Variants in BBS4 observed in about 807,000 individuals in gnomAD.
BBS4 encodes Bardet-Biedl syndrome 4, also known as BBSome complex member BBS4.
BBS4 carries 58 observed loss-of-function variants against 71.4 expected under a neutral mutation model. The observed-to-expected ratio is 0.81, with a 90% CI of 0.66 to 1.01. The LOEUF is 1.01. Among genes scored for constraint, BBS4 ranks in the 50% least tolerant of loss-of-function variants. The pLI is 0.00. For missense variants in BBS4, 660 were observed against 607.9 expected (o/e 1.09, Z -0.90); for synonymous variants, 228 against 216.8 (o/e 1.05, Z -0.46).
intron 6 of BBS4, among the ~76,000 whole-genome samples, chr15:72,719,598 G>A (rs1242586740): frequency 6.6e-6 from 1 of 151,996 alleles, no homozygotes; most frequent in Non-Finnish European, 1.5e-5. Flanking sequence ...TAGGGAAGAG[G>A]TAAAGCAGGA....
Position 72,736,895 on chromosome 15 carries a change from C to T in BBS4, c.1382C>T (p.Pro461Leu). The T allele has an allele frequency of 3.1e-6, 5 of 1,614,188 alleles. No individual in the cohort carries two copies. Among genetic ancestry groups the T allele is most frequent in the Non-Finnish European group, 4.2e-6 (5 of 1,180,034 alleles). The change falls in exon 15 of 16, where the codon CCT becomes CTT. Residue 461 changes from proline to leucine, a missense_variant. Coordinates refer to ENST00000268057, the MANE Select transcript of BBS4 (RefSeq NM_033028.5). ...AGCAAACCTGCCAGTTTCCAGCAGC[C>T]TCTGGGCTCTAATCAAGCTCTAGGA... Reference protein sequence around the residue: ...STSKPASFQQPLGSNQALGQA... With the variant: ...STSKPASFQQLLGSNQALGQA...
intron 3 of BBS4, 64 bp downstream of exon 3, chr15:72,709,843 T>A: frequency 7.4e-7 from 1 of 1,345,630 alleles, no homozygotes; most frequent in Non-Finnish European, 1.1e-6. Context: ...TAACAGTGCC[T>A]GCTAAACAGA....
At chr15:72,692,357 C>A (rs8026148) in intron 1 of BBS4, among the ~76,000 whole-genome samples, 2,003 of 140,306 alleles carry the variant, frequency 0.014, 40 homozygotes, top group African/African-American at 0.052. Context: ...GCTCTGTCAC[C>A]CAGGCTGGAG....
In BBS4 at chr15:72,722,824, A is replaced by G. The variant is rs751997837; in HGVS notation, c.436A>G (p.Ile146Val). ...EISHNLGVCY[I>V]YLKQFNKAQD... The stretch of plus-strand genomic sequence containing the variant: ...CAGCCATAACCTAGGAGTTTGCTAC[A>G]TATACCTGAAGCAGTTCAACAAGGT... Residue 146 changes from isoleucine (I) to valine (V), a missense_variant, in exon 7 of 16, where the codon ATA (isoleucine) becomes GTA (valine). Coordinates refer to ENST00000268057, the MANE Select transcript of BBS4 (RefSeq NM_033028.5). The G allele has an allele frequency of 6.2e-7, 1 of 1,613,970 alleles. No individual in the cohort carries two copies. The highest frequency in any genetic ancestry group is 8.5e-7 in the Non-Finnish European group (1 of 1,179,928).
At chr15:72,693,980 G>A (rs911594775) in intron 1 of BBS4, among the ~76,000 whole-genome samples, 1 of 151,992 alleles carries the variant, frequency 6.6e-6, no homozygotes, top group African/African-American at 2.4e-5. Flanking sequence ...TGCCTTCTGG[G>A]TTCAAGCGAT....
intron 1 of BBS4, among the ~76,000 whole-genome samples, chr15:72,689,850 G>A (rs906447235): frequency 4.7e-5 from 7 of 150,088 alleles, no homozygotes; most frequent in East Asian, 2.0e-4. Context: ...TTGCTCTGTC[G>A]CCCAGGCTGG....
chr15:72,727,876 T>A (rs1412297745), intron 8 of BBS4, 64 bp from the exon 9 acceptor site: 1 of 1,213,738 alleles, frequency 8.2e-7, no homozygotes, highest in Non-Finnish European at 1.2e-6. Flanking sequence ...GGCATATTAC[T>A]GTGCATGTGT....
intron 6 of BBS4, among the ~76,000 whole-genome samples, chr15:72,721,288 G>T (rs1462274622): frequency 6.6e-6 from 1 of 152,090 alleles, no homozygotes; most frequent in Non-Finnish European, 1.5e-5. Flanking sequence ...TAAGAAAAAG[G>T]CCTTATCTTT....
At chr15:72,695,589 A>G (rs1325099182) in intron 2 of BBS4, among the ~76,000 whole-genome samples, 1 of 152,102 alleles carries the variant, frequency 6.6e-6, no homozygotes, top group Non-Finnish European at 1.5e-5. Flanking sequence ...GCCTGGCCAG[A>G]TTTCTCTCTC....
intron 9 of BBS4, among the ~76,000 whole-genome samples, chr15:72,728,569 G>C (rs1170603276): frequency 6.6e-6 from 1 of 152,124 alleles, no homozygotes; most frequent in Non-Finnish European, 1.5e-5. Flanking sequence ...CTTGGAGGCT[G>C]TTATTTTGTT....
rs923274534 is a variant in BBS4 at position 72,738,387 on chromosome 15, T to TAAAG, written c.*802_*805dup. ...AATACACTATGTGTCCTTTTTAGAA[T>TAAAG]AAAGATTACATATCATCATTCCTTT... is the stretch of plus-strand genomic sequence containing the variant. On this transcript the variant is annotated 3_prime_UTR_variant, in exon 16 of 16. Coordinates refer to ENST00000268057, the MANE Select transcript of BBS4 (RefSeq NM_033028.5). 2 of 429,966 alleles carry TAAAG rather than the reference T, an allele frequency of 4.7e-6. No individual in the cohort carries two copies. Among genetic ancestry groups the TAAAG allele is most frequent in the African/African-American group, 4.1e-5 (2 of 48,832 alleles). The allele number at this position is 429,966 out of a possible 1,614,324, so 26.6% of individuals were successfully genotyped here.
intron 6 of BBS4, among the ~76,000 whole-genome samples, chr15:72,717,809 C>A (rs931548633): frequency 6.6e-6 from 1 of 151,998 alleles, no homozygotes; most frequent in Non-Finnish European, 1.5e-5. Context: ...CTCTACAACT[C>A]TTAACTTGCC....
intron 2 of BBS4, among the ~76,000 whole-genome samples, chr15:72,700,237 C>A (rs2151003561): frequency 1.3e-5 from 2 of 152,324 alleles, no homozygotes; most frequent in Middle Eastern, 3.4e-3. Flanking sequence ...TGCACCCGGC[C>A]TGAACATTTA....
rs554752822 is a variant in BBS4, at chr15:72,725,662, C to G, written c.587+1007C>G. ...TAGCATGAGACCAGTATCTTTTTTCCCCCTTCCCCATTTTCCCTTCCCCTT... is the reference window on the plus strand; with the variant it reads ...TAGCATGAGACCAGTATCTTTTTTCGCCCTTCCCCATTTTCCCTTCCCCTT... On this transcript the variant is annotated intron_variant, in intron 8 of 15. Coordinates refer to ENST00000268057, the MANE Select transcript of BBS4 (RefSeq NM_033028.5). 1.7e-4 allele frequency among the ~76,000 whole-genome samples: 25 copies of G among 148,084 alleles called. No homozygotes were observed. The South Asian group carries it at 4.0e-3, about 23-fold the overall frequency.
intron 2 of BBS4, among the ~76,000 whole-genome samples, chr15:72,701,423 A>G (rs2065166408): frequency 6.6e-6 from 1 of 152,206 alleles, no homozygotes; most frequent in South Asian, 2.1e-4. Context: ...TGCCACCATG[A>G]AGAGTCTTGT....
intron 2 of BBS4, among the ~76,000 whole-genome samples, chr15:72,701,900 C>T (rs1187313171): frequency 1.3e-5 from 2 of 152,028 alleles, no homozygotes; most frequent in Admixed American, 6.6e-5. Context: ...TGCAGTGGTG[C>T]GATTTCCGCT....
chr15:72,693,559 T>A (rs1213943253), intron 1 of BBS4, among the ~76,000 whole-genome samples: 4 of 152,236 alleles, frequency 2.6e-5, no homozygotes, highest in Admixed American at 2.6e-4. Flanking sequence ...ACCATAGACA[T>A]TATGTAAACA....
At position 72,709,681 on chromosome 15, in the gene BBS4, G is replaced by C; in HGVS notation, c.77-19G>C. 6.4e-7 allele frequency: 1 copy of C among 1,573,154 alleles called. No homozygotes were observed. The highest frequency in any genetic ancestry group is 8.7e-7 in the Non-Finnish European group (1 of 1,142,964). On this transcript the variant is annotated intron_variant, in intron 2 of 15. Transcript: ENST00000268057. ...ATCTAATGACTGTGTTGTTTGTTTT[G>C]TCAAAATATGCTGCCTAGCTCCAGA...
chr15:72,731,495 A>T, intron 11 of BBS4, 38 bp downstream of exon 11: 1 of 1,614,158 alleles, frequency 6.2e-7, no homozygotes. Context: ...GTATTTCTAC[A>T]TGTGGTTATT....
Sources: allele counts gnomAD v4.1 joint callset (sites outside exome capture counted in the v4.1 genomes callset), GRCh38; gene constraint gnomAD v4.1.1; transcripts MANE v1.5; gene names NCBI Gene and HGNC (gene_info 2026-07-23, HGNC 2026-07-21).